BSCL2: variants seen among roughly 807,000 people sequenced by gnomAD.
BSCL2 encodes the protein BSCL2 lipid droplet biogenesis associated, seipin, also known as seipin.
Under a neutral mutation model 57.4 loss-of-function variants are expected in BSCL2, and 41 were observed. That is an observed-to-expected ratio of 0.71 (90% confidence interval 0.56 to 0.93). The LOEUF is 0.93. BSCL2 is among the 40% of genes least tolerant of loss of function. The pLI, the probability that BSCL2 is intolerant of heterozygous loss-of-function variation, is 0.00. For missense variants in BSCL2, 539 were observed against 586.7 expected (o/e 0.92, Z 0.84); for synonymous variants, 237 against 227.3 (o/e 1.04, Z -0.38).
At position 62,692,762 on chromosome 11, in the gene BSCL2, C is replaced by T. The variant is rs755623017; in HGVS notation, c.666G>A (p.Met222Ile). Reference protein sequence around the residue: ...MLHYRSDLLQMLDTLVFSSLL... With the variant: ...MLHYRSDLLQILDTLVFSSLL... ...GGCTAGAGAAGACCAGTGTGTCCAGCATCTGGAGCAGGTCTGAGCGGTAAT... is the reference window on the plus strand; with the variant it reads ...GGCTAGAGAAGACCAGTGTGTCCAGTATCTGGAGCAGGTCTGAGCGGTAAT... Residue 222 changes from methionine (M) to isoleucine (I), a missense_variant, in exon 5 of 11, where the codon ATG becomes ATA. By Grantham distance (10) the Met-to-Ile change is conservative. Coordinates refer to ENST00000360796, the MANE Select transcript of BSCL2 (RefSeq NM_001122955.4). The T allele has an allele frequency of 6.2e-7, 1 of 1,614,002 alleles. No individual in the cohort carries two copies. The highest frequency in any genetic ancestry group is 8.5e-7 in the Non-Finnish European group (1 of 1,180,034).
At chr11:62,695,711 C>CAA (rs398016310) in intron 3 of BSCL2, among the ~76,000 whole-genome samples, 39 of 66,442 alleles carry the variant, frequency 5.9e-4, no homozygotes, top group Admixed American at 1.1e-3. Context: ...AACTCTGTCT[C>CAA]AAAAAAAAAA....
At chr11:62,703,650 C>T (rs1265462538) in intron 2 of BSCL2, among the ~76,000 whole-genome samples, 3 of 151,472 alleles carry the variant, frequency 2.0e-5, no homozygotes, top group African/African-American at 7.3e-5. Flanking sequence ...CGCGCCCGGC[C>T]GTATATATGT....
At chr11:62,697,384 CAAAA>C (rs36037914) in intron 3 of BSCL2, 9 of 102,972 alleles carry the variant, frequency 8.7e-5, no homozygotes, top group Non-Finnish European at 5.8e-5. Context: ...AACTCCGTCT[CAAAA>C]AAAAAAAAAA....
chr11:62,708,847 C>T, upstream of BSCL2: 1 of 1,495,182 alleles, frequency 6.7e-7, no homozygotes, highest in African/African-American at 1.4e-5. Flanking sequence ...TTTTCCCTCT[C>T]CTGGGCCCTT....
At chr11:62,706,683 C>T (rs965488238) in intron 1 of BSCL2, 6 of 479,468 alleles carry the variant, frequency 1.3e-5, no homozygotes, top group African/African-American at 9.9e-5. Context: ...TGATTTTTAT[C>T]GCCCACAGCT....
At chr11:62,703,452 C>T (rs1056380487) in intron 2 of BSCL2, among the ~76,000 whole-genome samples, 3 of 149,756 alleles carry the variant, frequency 2.0e-5, no homozygotes, top group Non-Finnish European at 4.4e-5. Context: ...CCCAGGTTCA[C>T]GCCATTTCTC....
chr11:62,707,679 C>G, upstream of BSCL2: 1 of 398,860 alleles, frequency 2.5e-6, no homozygotes, highest in Middle Eastern at 7.7e-4. Context: ...GCAGCTCCTT[C>G]TAGCATCCTT....
chr11:62,696,426 T>C (rs1439353767), intron 3 of BSCL2, among the ~76,000 whole-genome samples: 1 of 151,422 alleles, frequency 6.6e-6, no homozygotes, highest in Non-Finnish European at 1.5e-5. Context: ...CCTAAGTACC[T>C]GGGACCATAC....
chr11:62,698,211 CTTTTT>C (rs1222992358), intron 3 of BSCL2, among the ~76,000 whole-genome samples: 3 of 111,466 alleles, frequency 2.7e-5, no homozygotes, highest in African/African-American at 1.0e-4. Flanking sequence ...CCGGCCTCTT[CTTTTT>C]GAGATGGAGT....
intron 3 of BSCL2, among the ~76,000 whole-genome samples, chr11:62,700,908 G>A (rs1289490703): frequency 4.0e-5 from 6 of 151,604 alleles, no homozygotes; most frequent in Non-Finnish European, 7.4e-5. Context: ...AAGTGAGATC[G>A]CGCCACTGCA....
intron 3 of BSCL2, among the ~76,000 whole-genome samples, chr11:62,698,048 C>T (rs991251006): frequency 6.6e-6 from 1 of 151,160 alleles, no homozygotes. Flanking sequence ...GCTAGGACTA[C>T]AGGCGCCCGC....
intron 2 of BSCL2, among the ~76,000 whole-genome samples, chr11:62,702,831 A>G (rs1257864233): frequency 6.6e-6 from 1 of 152,042 alleles, no homozygotes; most frequent in African/African-American, 2.4e-5. Context: ...CAGTGTTTCT[A>G]AAGACTTAAG....
At chr11:62,699,264 C>A (rs570547295) in intron 3 of BSCL2, among the ~76,000 whole-genome samples, 2 of 151,778 alleles carry the variant, frequency 1.3e-5, no homozygotes, top group Admixed American at 1.3e-4. Context: ...GTGGCGCGAT[C>A]TCGGCTCACT....
chr11:62,690,621 C>G lies in BSCL2; in HGVS notation c.1225G>C (p.Ala409Pro), dbSNP rs774201363. The change falls in exon 10 of 11, where the codon GCC (alanine) becomes CCC (proline). Residue 409 changes from alanine (A) to proline (P), a missense_variant. Physicochemically the swap from Ala to Pro is conservative, Grantham distance 27 (BLOSUM62 -1). Coordinates refer to ENST00000360796, the MANE Select transcript of BSCL2 (RefSeq NM_001122955.4). ...GCAGGATGCCCCTCACCATCACTGG[C>G]CTCAGGCTCTAGCTCCTCTTCTCCG... ...LSGEEELEPE[A>P]SDGSGSWEDA... The G allele has an allele frequency of 6.2e-7, 1 of 1,614,054 alleles. No homozygotes were observed. Among genetic ancestry groups the G allele is most frequent in the Non-Finnish European group, 8.5e-7 (1 of 1,180,012 alleles).
At chr11:62,708,891 C>G (rs536985321), upstream of BSCL2, 8 of 1,008,644 alleles carry the variant, frequency 7.9e-6, no homozygotes, top group East Asian at 1.7e-4. Context: ...GCCCCTTAGG[C>G]TCCTTGCATC....
chr11:62,705,668 G>T, intron 1 of BSCL2, 51 bp from the exon 2 acceptor site: 1 of 1,445,744 alleles, frequency 6.9e-7, no homozygotes, highest in South Asian at 1.4e-5. Context: ...CAGGGAGGTG[G>T]GGACAAAACA....
chr11:62,708,369 T>C (rs776836426), upstream of BSCL2: 7 of 1,613,286 alleles, frequency 4.3e-6, no homozygotes, highest in East Asian at 2.2e-5. Flanking sequence ...CAGCTTAAGA[T>C]TGAAGCCAGC....
In BSCL2 at chr11:62,701,810, G is replaced by A. The variant is rs11231194; in HGVS notation, c.486+658C>T. Among the ~76,000 whole-genome samples the A allele has an allele frequency of 3.5e-3, 504 of 144,620 alleles. 2 individuals carry two copies. The highest frequency in any genetic ancestry group is 5.1e-3 in the Non-Finnish European group (338 of 66,814). 94.9% of individuals were successfully genotyped at this position (144,620 alleles called of 152,430 possible). A position where few individuals can be genotyped will look rare whatever the true frequency, so the allele number is the denominator to read the frequency against. On this transcript the variant is annotated intron_variant, in intron 3 of 10. Transcript: ENST00000360796. ...TCGCGCCACTGCAATCCAGCCTGGC[G>A]ACAGAGTGAGACTGTCTGGAAAAAA... is the stretch of plus-strand genomic sequence containing the variant.
rs752392333 is a variant in BSCL2, at chr11:62,694,672, G to A, written c.526C>T (p.Leu176Phe). The change falls in exon 4 of 11, where the codon CTT (leucine) becomes TTT (phenylalanine). Residue 176 changes from leucine (L) to phenylalanine (F), a missense_variant. Transcript: ENST00000360796. ...TTCACAGGGGACTCTGGCAGCTCAAGCTCTAAGGTAACACGATACGGCTGT... is the reference window on the plus strand; with the variant it reads ...TTCACAGGGGACTCTGGCAGCTCAAACTCTAAGGTAACACGATACGGCTGT... ...YGQPYRVTLE[L>F]ELPESPVNQD... The A allele has an allele frequency of 6.2e-7, 1 of 1,614,168 alleles. No individual in the cohort carries two copies. Among genetic ancestry groups the A allele is most frequent in the Non-Finnish European group, 8.5e-7 (1 of 1,180,044 alleles).
Sources: allele counts gnomAD v4.1 joint callset (sites outside exome capture counted in the v4.1 genomes callset), GRCh38; gene constraint gnomAD v4.1.1; transcripts MANE v1.5; gene names NCBI Gene and HGNC (gene_info 2026-07-23, HGNC 2026-07-21).